The following LARGE1 variants were observed in gnomAD, a reference collection of about 807,000 sequenced individuals.
The protein encoded by LARGE1 is LARGE xylosyl- and glucuronyltransferase 1.
Under a neutral mutation model 87.6 loss-of-function variants are expected in LARGE1, and 43 were observed. The observed-to-expected ratio is 0.49, with a 90% CI of 0.38 to 0.63. The LOEUF (loss-of-function observed/expected upper bound fraction) is 0.63, where lower values mean the gene tolerates loss of function less well. Among genes scored for constraint, LARGE1 ranks in the 30% least tolerant of loss-of-function variants. The pLI is 0.00. For missense variants in LARGE1, 802 were observed against 1,000.2 expected (o/e 0.80, Z 2.67); for synonymous variants, 434 against 394.6 (o/e 1.10, Z -1.18).
chr22:33,390,122 T>C (rs371755435), intron 7 of LARGE1, among the ~76,000 whole-genome samples: 1 of 152,210 alleles, frequency 6.6e-6, no homozygotes, highest in African/African-American at 2.4e-5. Flanking sequence ...TCTGTGAATT[T>C]GATGAGCTGA....
At chr22:33,598,574 C>T (rs1165670310) in intron 5 of LARGE1, among the ~76,000 whole-genome samples, 1 of 151,666 alleles carries the variant, frequency 6.6e-6, no homozygotes, top group Non-Finnish European at 1.5e-5. Flanking sequence ...TTCCCTGTGT[C>T]CATGTGTTCT....
At chr22:33,864,299 G>A (rs1164537844) in intron 1 of LARGE1, among the ~76,000 whole-genome samples, 1 of 152,162 alleles carries the variant, frequency 6.6e-6, no homozygotes, top group African/African-American at 2.4e-5. Context: ...AGGCCCCTAT[G>A]TTCAGGAAGG....
At chr22:33,707,739 T>C (rs942542653) in intron 2 of LARGE1, among the ~76,000 whole-genome samples, 5 of 152,222 alleles carry the variant, frequency 3.3e-5, no homozygotes, top group Non-Finnish European at 4.4e-5. Flanking sequence ...CTCTTTTTAG[T>C]TTCCAGATGG....
chr22:33,461,571 G>A (rs2099397938), intron 6 of LARGE1, among the ~76,000 whole-genome samples: 1 of 150,690 alleles, frequency 6.6e-6, no homozygotes, highest in African/African-American at 2.4e-5. Flanking sequence ...GTTAATGGGT[G>A]CAGCACACCA....
chr22:33,350,705 C>T (rs148344871), intron 9 of LARGE1, among the ~76,000 whole-genome samples: 16 of 152,296 alleles, frequency 1.1e-4, no homozygotes, highest in Middle Eastern at 3.4e-3. Flanking sequence ...AGGCACCTTC[C>T]GTGAGGCCCA....
rs2077983235 is a variant in LARGE1 at position 33,565,072 on chromosome 22, T to C, written c.616-53A>G. 4.6e-6 allele frequency: 7 copies of C among 1,530,258 alleles called. 1 individual carries two copies. The highest frequency in any genetic ancestry group is 4.5e-5 in the South Asian group (4 of 89,300). 94.8% of individuals were successfully genotyped at this position (1,530,258 alleles called of 1,614,324 possible). A position where few individuals can be genotyped will look rare whatever the true frequency, so the allele number is the denominator to read the frequency against. On this transcript the variant is annotated intron_variant, in intron 5 of 14. Coordinates refer to ENST00000397394, the MANE Select transcript of LARGE1 (RefSeq NM_133642.5). ...TGGAGAAAGGGAAAAAAAATTGCTA[T>C]ATTAATTCTTTGCTTAAACATTATA...
intron 1 of LARGE1, among the ~76,000 whole-genome samples, chr22:33,901,002 G>A (rs1397656993): frequency 2.0e-5 from 3 of 152,110 alleles, no homozygotes; most frequent in Non-Finnish European, 2.9e-5. Flanking sequence ...AGCCGAGATC[G>A]CGCTACTGCA....
chr22:33,445,787 T>G (rs9609799), intron 6 of LARGE1, among the ~76,000 whole-genome samples: 39,584 of 151,858 alleles, frequency 0.26, 5,379 homozygotes, highest in Non-Finnish European at 0.3. Flanking sequence ...GTAGCTGGGA[T>G]TATAGGCGCC....
intron 11 of LARGE1, among the ~76,000 whole-genome samples, chr22:33,239,475 T>A (rs1210380936): frequency 9.2e-5 from 14 of 152,084 alleles, no homozygotes; most frequent in Admixed American, 9.2e-4. Flanking sequence ...TTCCATATGT[T>A]TCCTCTGTGA....
intron 6 of LARGE1, among the ~76,000 whole-genome samples, chr22:33,441,305 C>T (rs1219736274): frequency 6.6e-6 from 1 of 152,038 alleles, no homozygotes; most frequent in Non-Finnish European, 1.5e-5. Context: ...AACTCCTGAC[C>T]TCAGGTGATC....
At chr22:33,805,124 G>C (rs899988831) in intron 1 of LARGE1, among the ~76,000 whole-genome samples, 1 of 152,096 alleles carries the variant, frequency 6.6e-6, no homozygotes, top group Non-Finnish European at 1.5e-5. Flanking sequence ...TAAAAAACTA[G>C]ACACACCCTT....
intron 6 of LARGE1, among the ~76,000 whole-genome samples, chr22:33,514,684 G>A (rs941841525): frequency 2.0e-5 from 3 of 152,090 alleles, no homozygotes; most frequent in South Asian, 2.1e-4. Flanking sequence ...AGGCCCCTAC[G>A]GATATGAAGG....
At chr22:33,476,468 A>T (rs904184243) in intron 6 of LARGE1, among the ~76,000 whole-genome samples, 1 of 152,192 alleles carries the variant, frequency 6.6e-6, no homozygotes, top group African/African-American at 2.4e-5. Flanking sequence ...CATCTTATAC[A>T]TATTGACTGA....
At chr22:33,638,823 T>C (rs2080345758) in intron 3 of LARGE1, among the ~76,000 whole-genome samples, 4 of 152,190 alleles carry the variant, frequency 2.6e-5, no homozygotes, top group Admixed American at 2.6e-4. Flanking sequence ...CTATAATACA[T>C]TACTACTGAG....
At chr22:33,359,911 G>T (rs1208064790) in intron 9 of LARGE1, among the ~76,000 whole-genome samples, 1 of 149,550 alleles carries the variant, frequency 6.7e-6, no homozygotes, top group East Asian at 1.9e-4. Context: ...TCTAGGAGTG[G>T]CCAACCCAGA....
At chr22:33,094,845 A>T in the LARGE1 span, among the ~76,000 whole-genome samples, 1 of 152,180 alleles carries the variant, frequency 6.6e-6, no homozygotes, top group Admixed American at 6.5e-5. Flanking sequence ...CAGCCTCCTG[A>T]GTAGCTAGAA....
At chr22:33,522,732 G>A (rs998086005) in intron 6 of LARGE1, among the ~76,000 whole-genome samples, 1 of 151,960 alleles carries the variant, frequency 6.6e-6, no homozygotes, top group African/African-American at 2.4e-5. Context: ...TTGGGAGGCT[G>A]AGGCAAGAGA....
intron 5 of LARGE1, among the ~76,000 whole-genome samples, chr22:33,579,861 C>A (rs537356333): frequency 6.6e-6 from 1 of 152,344 alleles, no homozygotes; most frequent in South Asian, 2.1e-4. Flanking sequence ...TGCGGAAGAT[C>A]AAGACCCAAC....
At chr22:33,738,468 G>T (rs754189039) in intron 2 of LARGE1, among the ~76,000 whole-genome samples, 1 of 152,200 alleles carries the variant, frequency 6.6e-6, no homozygotes, top group Non-Finnish European at 1.5e-5. Flanking sequence ...GGAGAGGAGG[G>T]CAGGGAAATG....
Sources: allele counts gnomAD v4.1 joint callset (sites outside exome capture counted in the v4.1 genomes callset), GRCh38; gene constraint gnomAD v4.1.1; transcripts MANE v1.5; gene names NCBI Gene and HGNC (gene_info 2026-07-23, HGNC 2026-07-21).